The following ZNF536 variants were observed in gnomAD, a reference collection of about 807,000 sequenced individuals.
ZNF536 encodes zinc finger protein 536.
A neutral mutation model predicts 84.5 loss-of-function variants in ZNF536; 13 were observed. The observed-to-expected ratio is 0.15, with a 90% confidence interval of 0.10 to 0.24. The LOEUF is 0.24. Ranked by LOEUF, ZNF536 falls within the 10% of genes least tolerant of loss-of-function variation. The probability of loss-of-function intolerance (pLI) is 1.00; values close to 1 mark genes in which losing one functional copy is unlikely to be tolerated. For missense variants in ZNF536, 1,536 were observed against 1,747.5 expected (o/e 0.88, Z 2.16); for synonymous variants, 811 against 742.5 (o/e 1.09, Z -1.50).
intron 2 of ZNF536, among the ~76,000 whole-genome samples, chr19:30,317,969 C>T (rs1402217104): frequency 6.6e-6 from 1 of 152,206 alleles, no homozygotes; most frequent in Non-Finnish European, 1.5e-5. Flanking sequence ...GCCTACGCTG[C>T]AGGCTAAGCG....
At chr19:30,359,629 A>G (rs2048210060) in intron 3 of ZNF536, among the ~76,000 whole-genome samples, 1 of 151,914 alleles carries the variant, frequency 6.6e-6, no homozygotes, top group Admixed American at 6.6e-5. Context: ...CATCCTATCA[A>G]TGTCGGCAGT....
intron 1 of ZNF536, among the ~76,000 whole-genome samples, chr19:30,617,567 G>T (rs896640606): frequency 6.6e-6 from 1 of 151,208 alleles, no homozygotes; most frequent in South Asian, 2.1e-4. Context: ...AGTCAGGATG[G>T]TCTCGATCTC....
intron 1 of ZNF536, among the ~76,000 whole-genome samples, chr19:30,247,693 G>A (rs1232306344): frequency 6.6e-6 from 1 of 152,116 alleles, no homozygotes; most frequent in African/African-American, 2.4e-5. Context: ...AGCTGGTGTG[G>A]TGGTATACAC....
chr19:30,469,137 G>A (rs1035088686), intron 2 of ZNF536, among the ~76,000 whole-genome samples: 3 of 152,122 alleles, frequency 2.0e-5, no homozygotes, highest in East Asian at 3.9e-4. Flanking sequence ...AGGAATGACC[G>A]GGCACGGTAG....
intron 1 of ZNF536, among the ~76,000 whole-genome samples, chr19:30,387,181 G>C (rs1412205843): frequency 6.6e-6 from 1 of 152,232 alleles, no homozygotes; most frequent in African/African-American, 2.4e-5. Context: ...GCTAGAACCT[G>C]TCCAGGCCTC....
At chr19:30,399,679 GTT>G (rs71171801) in intron 1 of ZNF536, among the ~76,000 whole-genome samples, 130 of 112,834 alleles carry the variant, frequency 1.2e-3, no homozygotes, top group Middle Eastern at 4.6e-3. Context: ...AATAAGAAAT[GTT>G]TTTTTTTTTT....
At chr19:30,628,651 G>A (rs751151480) in intron 1 of ZNF536, among the ~76,000 whole-genome samples, 3 of 151,760 alleles carry the variant, frequency 2.0e-5, no homozygotes, top group African/African-American at 7.3e-5. Flanking sequence ...GGATGGTCTC[G>A]ATCTCCTGAC....
chr19:30,500,873 C>G (rs1318105144), intron 2 of ZNF536, among the ~76,000 whole-genome samples: 4 of 152,236 alleles, frequency 2.6e-5, no homozygotes, highest in Non-Finnish European at 5.9e-5. Context: ...TCCTGGCTTT[C>G]TCATTCAGAC....
chr19:30,287,228 T>C (rs2045660530), intron 2 of ZNF536, among the ~76,000 whole-genome samples: 1 of 121,632 alleles, frequency 8.2e-6, no homozygotes, highest in African/African-American at 3.3e-5. Flanking sequence ...GATGGATGGA[T>C]AGATGGGTGG....
At chr19:30,383,468 T>G (rs2049103277) in intron 1 of ZNF536, among the ~76,000 whole-genome samples, 1 of 152,160 alleles carries the variant, frequency 6.6e-6, no homozygotes, top group South Asian at 2.1e-4. Context: ...TGGAGGTGGC[T>G]GCACCCCACC....
chr19:30,678,014 T>C (rs7258628), intron 1 of ZNF536, among the ~76,000 whole-genome samples: 10,246 of 152,188 alleles, frequency 0.067, 616 homozygotes, highest in African/African-American at 0.15. Context: ...CTGGCCACGG[T>C]TGAGAATGTC....
intron 2 of ZNF536, among the ~76,000 whole-genome samples, chr19:30,530,315 CCT>C: frequency 6.8e-6 from 1 of 146,990 alleles, no homozygotes; most frequent in South Asian, 2.1e-4. Flanking sequence ...TTTTGTAATA[CCT>C]CTCTCTCTGT....
At chr19:30,684,958 G>T (rs978410858) in intron 1 of ZNF536, among the ~76,000 whole-genome samples, 1 of 152,140 alleles carries the variant, frequency 6.6e-6, no homozygotes, top group African/African-American at 2.4e-5. Context: ...CTTCCAGGGG[G>T]TTATGTGGGA....
chr19:30,480,035 T>C (rs2054009419), intron 2 of ZNF536, among the ~76,000 whole-genome samples: 1 of 152,198 alleles, frequency 6.6e-6, no homozygotes, highest in Non-Finnish European at 1.5e-5. Context: ...GTAAGACCCA[T>C]GCTGAAGTCA....
chr19:30,657,636 C>G (rs1568643460), intron 1 of ZNF536, among the ~76,000 whole-genome samples: 1 of 152,212 alleles, frequency 6.6e-6, no homozygotes, highest in Admixed American at 6.5e-5. Context: ...GATTTCATGC[C>G]TCTCTTCTGC....
chr19:30,548,061 G>T lies in ZNF536; in HGVS notation c.2442G>T (p.Gly814=). Residue 814 remains glycine (G), a synonymous_variant, in exon 4 of 5, where the codon GGG becomes GGT. Coordinates refer to ENST00000355537, the MANE Select transcript of ZNF536 (RefSeq NM_014717.3). The part of the protein sequence containing the change: ...ERQNGAGPLS[G]QPPNQDHKDE... ...AGAACGGGGCTGGGCCGCTGTCTGGGCAACCCCCAAATCAAGACCACAAGG... is the reference window on the plus strand; with the variant it reads ...AGAACGGGGCTGGGCCGCTGTCTGGTCAACCCCCAAATCAAGACCACAAGG... 6.2e-7 allele frequency: 1 copy of T among 1,614,132 alleles called. No individual in the cohort carries two copies. The highest frequency in any genetic ancestry group is 8.5e-7 in the Non-Finnish European group (1 of 1,180,014).
At chr19:30,657,320 C>T (rs1000930486) in intron 1 of ZNF536, among the ~76,000 whole-genome samples, 3 of 152,148 alleles carry the variant, frequency 2.0e-5, no homozygotes, top group Non-Finnish European at 4.4e-5. Flanking sequence ...TAGAATCTAC[C>T]TCAAATAGTT....
intron 2 of ZNF536, among the ~76,000 whole-genome samples, chr19:30,344,638 C>T (rs1418351652): frequency 2.0e-5 from 3 of 151,480 alleles, no homozygotes; most frequent in East Asian, 2.0e-4. Context: ...CCTCACTGAG[C>T]GAGTCCCTCG....
chr19:30,489,342 G>A (rs1338141417), intron 2 of ZNF536, among the ~76,000 whole-genome samples: 2 of 152,176 alleles, frequency 1.3e-5, no homozygotes, highest in Non-Finnish European at 2.9e-5. Context: ...CACTTTGGGA[G>A]GCCGAGGAGG....
Sources: gnomAD v4.1 joint callset for allele counts (sites outside exome capture counted in the v4.1 genomes callset) on GRCh38, gnomAD v4.1.1 for gene constraint, MANE v1.5 for transcripts, NCBI Gene and HGNC (gene_info 2026-07-23, HGNC 2026-07-21) for gene names.